The following CROCC variants were observed in gnomAD, a reference collection of about 807,000 sequenced individuals.
CROCC encodes the protein rootletin.
A neutral mutation model predicts 245.2 loss-of-function variants in CROCC; 180 were observed. The ratio of observed to expected loss-of-function variants is 0.73; its 90% CI spans 0.65 to 0.83. The LOEUF (loss-of-function observed/expected upper bound fraction) is 0.83, where lower values mean the gene tolerates loss of function less well. CROCC is among the 40% of genes least tolerant of loss of function. CROCC has a pLI of 0.00. For missense variants in CROCC, 2,688 were observed against 2,779.4 expected, an observed-to-expected ratio of 0.97 and a Z score of 0.74; for synonymous variants, 1,205 against 1,241.6, an observed-to-expected ratio of 0.97 and a Z score of 0.62.
At chr1:16,927,270 G>A (rs552824008) in intron 3 of CROCC, among the ~76,000 whole-genome samples, 1,712 of 151,974 alleles carry the variant, frequency 0.011, no homozygotes, top group Non-Finnish European at 0.017. Context: ...CCCCACCACC[G>A]GGGACCTATA....
intron 2 of CROCC, 22 bp from the exon 3 acceptor site, chr1:16,924,303 T>A: frequency 6.2e-7 from 1 of 1,606,772 alleles, no homozygotes; most frequent in South Asian, 1.1e-5. Flanking sequence ...AAGCCAACCA[T>A]GTGCCCACTG....
rs556832614 is a variant in CROCC, at chr1:16,948,276, G to A, written c.2515-55G>A. On this transcript the variant is annotated intron_variant, in intron 17 of 36. Coordinates refer to ENST00000375541, the MANE Select transcript of CROCC (RefSeq NM_014675.5). Reference sequence around the variant, plus strand: ...TAGGCCCAGAGTTGGGGTGCTGCACGATGAACAAGCTGGGGGACGCTGGGA... The same window carrying A: ...TAGGCCCAGAGTTGGGGTGCTGCACAATGAACAAGCTGGGGGACGCTGGGA... 293 of 1,485,642 alleles carry A rather than the reference G, an allele frequency of 2.0e-4. No individual in the cohort carries two copies. In the African/African-American group the frequency reaches 3.5e-3, roughly 18 times the overall value. The allele number at this position is 1,485,642 out of a possible 1,614,324, so 92.0% of individuals were successfully genotyped here.
In CROCC at chr1:16,929,897, A is replaced by C; in HGVS notation, c.403A>C (p.Arg135=). Residue 135 remains arginine, a synonymous_variant, in exon 4 of 37, where the codon AGG becomes CGG. Transcript: ENST00000375541. ...TGGGGAGCTGGAGACGCAGGAGCCCAGGGGGCTGGTACGGCAGAGCGTGGA... is the reference window on the plus strand; with the variant it reads ...TGGGGAGCTGGAGACGCAGGAGCCCCGGGGGCTGGTACGGCAGAGCGTGGA... ...EPGELETQEP[R]GLVRQSVELR... 6.3e-7 allele frequency: 1 copy of C among 1,587,788 alleles called. No homozygotes were observed. Among genetic ancestry groups the C allele is most frequent in the Non-Finnish European group, 8.5e-7 (1 of 1,170,606 alleles).
intron 3 of CROCC, 131 bp downstream of exon 3, chr1:16,924,610 G>T: frequency 1.6e-6 from 2 of 1,254,120 alleles, no homozygotes; most frequent in Admixed American, 2.5e-5. Context: ...TTGGATTGAG[G>T]CTCTGCCACC....
At position 16,966,151 on chromosome 1, in the gene CROCC, C is replaced by G; in HGVS notation, c.4696+32C>G. ...CTGATCCTCGGGGTCCCTGTTCTCT[C>G]TCCTGTGTTTTGGGCAGTTGAGGCA... On this transcript the variant is annotated intron_variant, in intron 29 of 36. Transcript: ENST00000375541. This position sits in a 1 kb window ranked among gnomAD's most constrained non-coding sequence, Gnocchi z 4.8. 3 of 1,592,360 alleles carry G rather than the reference C, an allele frequency of 1.9e-6. No homozygotes were observed. The highest frequency in any genetic ancestry group is 2.6e-6 in the Non-Finnish European group (3 of 1,165,726).
At chr1:16,970,170 TG>T in intron 33 of CROCC, 82 bp from the exon 34 acceptor site, 4 of 1,375,448 alleles carry the variant, frequency 2.9e-6, no homozygotes, top group Non-Finnish European at 3.9e-6. Context: ...GCTCTGTGAG[TG>T]GGCCAGCCTC....
At chr1:16,926,643 G>A (rs2075540599) in intron 3 of CROCC, among the ~76,000 whole-genome samples, 1 of 152,264 alleles carries the variant, frequency 6.6e-6, no homozygotes, top group Non-Finnish European at 1.5e-5. Flanking sequence ...CGAGAGAGAG[G>A]ACCTCAGGGC....
intron 25 of CROCC, among the ~76,000 whole-genome samples, chr1:16,957,176 T>C (rs918324034): frequency 8.6e-5 from 13 of 152,034 alleles, no homozygotes; most frequent in Admixed American, 7.9e-4. Flanking sequence ...GGAGGCCAAG[T>C]TGGGAGGACT....
intron 14 of CROCC, among the ~76,000 whole-genome samples, chr1:16,944,580 T>G (rs112789562): frequency 0.012 from 1,768 of 148,958 alleles, no homozygotes; most frequent in African/African-American, 0.043. Context: ...GTTAGAAGAA[T>G]AATAATATCC....
chr1:16,937,157 C>T (rs1236211175), intron 9 of CROCC, among the ~76,000 whole-genome samples: 1 of 152,262 alleles, frequency 6.6e-6, no homozygotes. Flanking sequence ...AGCTCAAGAC[C>T]AGCCTGTCCG....
chr1:16,916,986 C>T (rs575052418), upstream of CROCC, among the ~76,000 whole-genome samples: 28 of 152,380 alleles, frequency 1.8e-4, no homozygotes, highest in South Asian at 4.6e-3. Flanking sequence ...GGCGCGGTGG[C>T]GCATACCTGT....
At chr1:16,940,185 A>G (rs2075897416) in intron 13 of CROCC, 92 bp downstream of exon 13, 3 of 1,345,148 alleles carry the variant, frequency 2.2e-6, no homozygotes, top group Non-Finnish European at 3.1e-6. Flanking sequence ...GCTCTGCACT[A>G]ATATGGTCGC....
chr1:16,953,932 T>G, intron 21 of CROCC: 2 of 293,960 alleles, frequency 6.8e-6, no homozygotes, highest in Non-Finnish European at 1.2e-5. Context: ...GCGAGTCACT[T>G]TACCTCCTTG....
chr1:16,946,488 C>G (rs1557613362), intron 16 of CROCC, 83 bp downstream of exon 16: 2 of 1,523,178 alleles, frequency 1.3e-6, no homozygotes, highest in South Asian at 1.3e-5. Flanking sequence ...AGCCCTGTAC[C>G]TGTCTTGGCC....
intron 30 of CROCC, among the ~76,000 whole-genome samples, 185 bp from the exon 31 acceptor site, chr1:16,968,018 C>G (rs904173564): frequency 1.3e-5 from 2 of 152,156 alleles, no homozygotes; most frequent in African/African-American, 4.8e-5. Context: ...CTGGGATCTT[C>G]ACGTCCACTC....
chr1:16,928,315 C>T (rs1342611386), intron 3 of CROCC, among the ~76,000 whole-genome samples: 11 of 152,260 alleles, frequency 7.2e-5, no homozygotes, highest in Non-Finnish European at 1.5e-4. Flanking sequence ...CCCCCAACAG[C>T]TGGGGAAGAT....
In CROCC at chr1:16,960,754, C is replaced by G; in HGVS notation, c.4033-4C>G. ...CCGACCTCCACCTCCTGGCATCACT[C>G]CAGCTCCAGGTAGCCCAGCGGAAGC... On this transcript the variant is annotated splice_region_variant and splice_polypyrimidine_tract_variant and intron_variant, in intron 26 of 36. Coordinates refer to ENST00000375541, the MANE Select transcript of CROCC (RefSeq NM_014675.5). 1 of 1,524,670 alleles carries G rather than the reference C, an allele frequency of 6.6e-7. No homozygotes were observed. Among genetic ancestry groups the G allele is most frequent in the Non-Finnish European group, 8.8e-7 (1 of 1,141,920 alleles). The allele number at this position is 1,524,670 out of a possible 1,614,324, so 94.4% of individuals were successfully genotyped here. A position where few individuals can be genotyped will look rare whatever the true frequency, so the allele number is the denominator to read the frequency against.
rs1255394073 is a variant in CROCC, at chr1:16,930,171, G to A, written c.585G>A (p.Leu195=). 4 of 1,592,514 alleles carry A rather than the reference G, an allele frequency of 2.5e-6. No homozygotes were observed. The highest frequency in any genetic ancestry group is 3.4e-6 in the Non-Finnish European group (4 of 1,170,244). ...GCTCGGAGCTGGAGCAGCAGCTGCT[G>A]GAGAGATCCGGAGAGCTGGAGCAGC... ...KRCSELEQQL[L]ERSGELEQQR... is the part of the protein sequence containing the mutation. The change falls in exon 5 of 37, where the codon CTG becomes CTA. Residue 195 remains leucine (L), a synonymous_variant. Transcript: ENST00000375541.
At chr1:16,937,471 A>G (rs1218098236) in intron 9 of CROCC, among the ~76,000 whole-genome samples, 170 bp from the exon 10 acceptor site, 1 of 152,258 alleles carries the variant, frequency 6.6e-6, no homozygotes, top group Non-Finnish European at 1.5e-5. Flanking sequence ...TTCACAGATG[A>G]GAAATGTGAG....
Sources: gnomAD v4.1 joint callset for allele counts (sites outside exome capture counted in the v4.1 genomes callset) on GRCh38, gnomAD v4.1.1 for gene constraint, Gnocchi (gnomAD v3.1) non-coding constraint, MANE v1.5 for transcripts, NCBI Gene and HGNC (gene_info 2026-07-23, HGNC 2026-07-21) for gene names.